CEP120: variants seen among roughly 807,000 people sequenced by gnomAD.
The protein encoded by CEP120 is centrosomal protein of 120 kDa.
Under a neutral mutation model 126.5 loss-of-function variants are expected in CEP120, and 113 were observed. The ratio of observed to expected loss-of-function variants is 0.89; its 90% CI spans 0.77 to 1.04. The LOEUF is 1.04. Ranked by LOEUF, CEP120 falls within the 50% of genes least tolerant of loss-of-function variation. The probability of loss-of-function intolerance (pLI) is 0.00; values close to 1 mark genes in which losing one functional copy is unlikely to be tolerated. For missense variants in CEP120, 1,230 were observed against 1,155.7 expected (o/e 1.06, Z -0.93); for synonymous variants, 400 against 394.3 (o/e 1.01, Z -0.17).
chr5:123,384,916 A>G (rs1451185125), intron 11 of CEP120, 35 bp downstream of exon 11: 1 of 1,527,128 alleles, frequency 6.5e-7, no homozygotes, highest in Non-Finnish European at 8.8e-7. Flanking sequence ...TGAATTGAAA[A>G]GAAAAGCAAA....
At chr5:123,413,282 T>A (rs144982287) in intron 3 of CEP120, among the ~76,000 whole-genome samples, 91 of 150,178 alleles carry the variant, frequency 6.1e-4, no homozygotes, top group African/African-American at 8.3e-4. Context: ...CAAAAAAAAA[T>A]AATAATAATA....
chr5:123,415,216 G>C (rs1303552190), intron 3 of CEP120, among the ~76,000 whole-genome samples: 5 of 152,148 alleles, frequency 3.3e-5, no homozygotes, highest in African/African-American at 4.8e-5. Flanking sequence ...AGAAACAATA[G>C]CAGCTGAGTT....
intron 18 of CEP120, among the ~76,000 whole-genome samples, chr5:123,351,113 T>TA (rs1284002613): frequency 1.3e-5 from 2 of 152,200 alleles, no homozygotes; most frequent in African/African-American, 4.8e-5. Context: ...TACATTTTGA[T>TA]ATACTTTCAC....
In CEP120 at chr5:123,398,991, T is replaced by C. The variant is rs1772989932; in HGVS notation, c.612+145A>G. 2.4e-5 allele frequency: 13 copies of C among 536,590 alleles called. No individual in the cohort carries two copies. The South Asian group carries it at 5.0e-4, about 21-fold the overall frequency. 33.2% of individuals were successfully genotyped at this position (536,590 alleles called of 1,614,324 possible). ...CTAAATTAAGAAGTTTTCTTTCCAG[T>C]ATGAAAGAAAACATGTTTTGAACTC... On this transcript the variant is annotated intron_variant, in intron 5 of 19. Coordinates refer to ENST00000306467, the MANE Select transcript of CEP120 (RefSeq NM_001375405.1).
rs189324274 is a variant in CEP120, at chr5:123,412,548, A to G, written c.322-8T>C. Reference sequence around the variant, plus strand: ...CTGGTACCATTTTGGTGCCTAGAGAATAATAAAATAACAAAACACCTAATA... The same window carrying G: ...CTGGTACCATTTTGGTGCCTAGAGAGTAATAAAATAACAAAACACCTAATA... On this transcript the variant is annotated splice_polypyrimidine_tract_variant and splice_region_variant and intron_variant, in intron 3 of 19. Transcript: ENST00000306467. 7.0e-5 allele frequency: 111 copies of G among 1,581,176 alleles called. 1 individual carries two copies. In the East Asian group the frequency reaches 2.3e-3, roughly 33 times the overall value.
chr5:123,418,435 C>G lies in CEP120; in HGVS notation c.130G>C (p.Val44Leu), dbSNP rs1473652535. Residue 44 changes from valine to leucine, a missense_variant, in exon 2 of 20, where the codon GTG becomes CTG. Val to Leu is a conservative substitution (Grantham distance 32, BLOSUM62 1). Coordinates refer to ENST00000306467, the MANE Select transcript of CEP120 (RefSeq NM_001375405.1). ...AATTCTGGCTGGTCAGTGTGGTCCA[C>G]AGGATCAGTAGCCAACTGTTCTCCA... The part of the protein sequence containing the change: ...FDGEQLATDP[V>L]DHTDQPEFAT... The G allele has an allele frequency of 6.2e-7, 1 of 1,612,970 alleles. No individual in the cohort carries two copies. Among genetic ancestry groups the G allele is most frequent in the Non-Finnish European group, 8.5e-7 (1 of 1,179,220 alleles).
At chr5:123,408,167 G>C (rs932366298) in intron 4 of CEP120, among the ~76,000 whole-genome samples, 2 of 152,130 alleles carry the variant, frequency 1.3e-5, no homozygotes, top group Non-Finnish European at 2.9e-5. Context: ...GCATATGTCT[G>C]TTAGAAGAGA....
In CEP120 at chr5:123,390,088, T is replaced by C. The variant is rs747078578; in HGVS notation, c.1091A>G (p.Lys364Arg). 7 of 1,614,160 alleles carry C rather than the reference T, an allele frequency of 4.3e-6. No individual in the cohort carries two copies. The highest frequency in any genetic ancestry group is 5.9e-6 in the Non-Finnish European group (7 of 1,179,996). Residue 364 changes from lysine to arginine, a missense_variant, in exon 8 of 20, where the codon AAG becomes AGG. Lys to Arg is a conservative substitution (Grantham distance 26). Transcript: ENST00000306467. ...QNEHEPEHSKKKVLTPIKEKT... is the reference protein window; with the variant it reads ...QNEHEPEHSKRKVLTPIKEKT... ...CTCCTTTATGGGGGTTAAAACTTTC[T>C]TCTTTGAATGCTCTGGCTCATGTTC...
At chr5:123,420,440 T>C (rs1774645851) in intron 1 of CEP120, among the ~76,000 whole-genome samples, 1 of 152,122 alleles carries the variant, frequency 6.6e-6, no homozygotes, top group Non-Finnish European at 1.5e-5. Flanking sequence ...TTTCTAAAAG[T>C]GTAGTCAAGA....
chr5:123,379,969 T>C (rs1771525955), intron 14 of CEP120, among the ~76,000 whole-genome samples: 1 of 152,110 alleles, frequency 6.6e-6, no homozygotes, highest in African/African-American at 2.4e-5. Flanking sequence ...TCTTCAGCTA[T>C]CTGACAGGCA....
chr5:123,360,556 C>CT (rs952293051), intron 18 of CEP120, among the ~76,000 whole-genome samples: 23 of 149,490 alleles, frequency 1.5e-4, no homozygotes, highest in African/African-American at 2.7e-4. Flanking sequence ...TAATTTAAAA[C>CT]TTTTTTTTTC....
chr5:123,368,553 A>T (rs753906778), intron 17 of CEP120, among the ~76,000 whole-genome samples: 3 of 152,020 alleles, frequency 2.0e-5, no homozygotes, highest in Non-Finnish European at 2.9e-5. Flanking sequence ...CAATGTGGGG[A>T]TAAGAGTACC....
At chr5:123,370,207 TAAG>T (rs1331044760) in intron 17 of CEP120, among the ~76,000 whole-genome samples, 1 of 152,000 alleles carries the variant, frequency 6.6e-6, no homozygotes, top group Non-Finnish European at 1.5e-5. Flanking sequence ...GAAATAAGTA[TAAG>T]AAGTATACAG....
intron 1 of CEP120, chr5:123,422,352 T>C (rs746939932): frequency 2.0e-5 from 14 of 683,152 alleles, no homozygotes; most frequent in Non-Finnish European, 3.2e-5. Flanking sequence ...TGACACACTC[T>C]CCTTGCTACA....
chr5:123,370,988 A>G (rs1184723275), intron 17 of CEP120, among the ~76,000 whole-genome samples: 1 of 151,882 alleles, frequency 6.6e-6, no homozygotes, highest in East Asian at 1.9e-4. Flanking sequence ...CTTGGGAGTA[A>G]TATTTGACTT....
At chr5:123,396,534 A>G (rs184496100) in intron 5 of CEP120, among the ~76,000 whole-genome samples, 20 of 152,296 alleles carry the variant, frequency 1.3e-4, no homozygotes, top group Admixed American at 1.3e-3. Flanking sequence ...CAATAGGTCA[A>G]TTACCCATAG....
intron 1 of CEP120, chr5:123,422,393 A>G (rs956615290): frequency 8.3e-6 from 8 of 963,932 alleles, no homozygotes; most frequent in Non-Finnish European, 1.3e-5. Context: ...GGACTGTTTC[A>G]TTCTTACATT....
chr5:123,401,380 A>C, intron 4 of CEP120: 1 of 1,508,432 alleles, frequency 6.6e-7, no homozygotes, highest in Non-Finnish European at 9.2e-7. Context: ...TGAGGCCCTC[A>C]TTCTCAGCCT....
chr5:123,388,742 T>C (rs140312336), intron 8 of CEP120, 136 bp from the exon 9 acceptor site: 16 of 583,366 alleles, frequency 2.7e-5, no homozygotes, highest in Middle Eastern at 3.5e-4. Flanking sequence ...AACATATGAA[T>C]TGAGGTATAA....
Sources: gnomAD v4.1 joint callset for allele counts (sites outside exome capture counted in the v4.1 genomes callset) on GRCh38, gnomAD v4.1.1 for gene constraint, MANE v1.5 for transcripts, NCBI Gene and HGNC (gene_info 2026-07-23, HGNC 2026-07-21) for gene names.